Variants in C1QTNF3 observed in about 807,000 individuals in gnomAD.
C1QTNF3 encodes the protein C1q and TNF related 3.
A neutral mutation model predicts 32.6 loss-of-function variants in C1QTNF3; 26 were observed. That is an observed-to-expected ratio of 0.80 (90% CI 0.58 to 1.11). The LOEUF (loss-of-function observed/expected upper bound fraction) is 1.11. Ranked by LOEUF, C1QTNF3 falls within the 50% of genes least tolerant of loss-of-function variation. C1QTNF3 has a pLI of 0.00. For synonymous variants in C1QTNF3, 155 were observed against 146.0 expected (o/e 1.06, Z -0.44); for missense variants, 362 against 398.2 (o/e 0.91, Z 0.77).
chr5:34,177,445 T>C, the C1QTNF3 span, among the ~76,000 whole-genome samples: 1 of 149,894 alleles, frequency 6.7e-6, no homozygotes, highest in Non-Finnish European at 1.5e-5. Flanking sequence ...GCCTCCCAAG[T>C]AGCTGGGACT....
chr5:34,131,897 A>G, the C1QTNF3 span, among the ~76,000 whole-genome samples: 5 of 152,234 alleles, frequency 3.3e-5, no homozygotes, highest in Admixed American at 2.0e-4. Context: ...ATGTACAATT[A>G]TCACATGTCA....
chr5:34,070,346 T>G, the C1QTNF3 span, among the ~76,000 whole-genome samples: 1 of 152,232 alleles, frequency 6.6e-6, no homozygotes, highest in East Asian at 1.9e-4. Flanking sequence ...TAAATAAACT[T>G]AAAATAATTT....
chr5:34,070,556 T>C, the C1QTNF3 span, among the ~76,000 whole-genome samples: 1 of 152,226 alleles, frequency 6.6e-6, no homozygotes, highest in East Asian at 1.9e-4. Flanking sequence ...GATTTGCAAA[T>C]AGCAGTATTG....
Position 34,020,726 on chromosome 5 carries a change from T to C in C1QTNF3, c.817A>G (p.Lys273Glu). 4 of 1,612,514 alleles carry C rather than the reference T, an allele frequency of 2.5e-6. No homozygotes were observed. Among genetic ancestry groups the C allele is most frequent in the Non-Finnish European group, 3.4e-6 (4 of 1,178,964 alleles). Residue 273 changes from lysine to glutamate, a missense_variant, in exon 6 of 6, where the codon AAA (lysine) becomes GAA (glutamate). Physicochemically the swap from Lys to Glu is moderately conservative, Grantham distance 56 (BLOSUM62 1). Transcript: ENST00000382065. The part of the protein sequence containing the change: ...FSMYSYEMKG[K>E]SDTSSNHAVL... ...GCATGATTGCTGGATGTATCTGATT[T>C]GCCCTTCATTTCATAGCTGGAAAGA...
At chr5:34,024,914 T>A (rs957361749) in intron 4 of C1QTNF3, among the ~76,000 whole-genome samples, 1 of 152,236 alleles carries the variant, frequency 6.6e-6, no homozygotes, top group African/African-American at 2.4e-5. Flanking sequence ...CATGTTACAT[T>A]TTAAACTAAT....
At chr5:34,120,294 T>C in the C1QTNF3 span, among the ~76,000 whole-genome samples, 1 of 152,210 alleles carries the variant, frequency 6.6e-6, no homozygotes, top group Non-Finnish European at 1.5e-5. Flanking sequence ...TTTTAGATCA[T>C]ATCAGTTTCA....
chr5:34,181,459 T>C, the C1QTNF3 span, among the ~76,000 whole-genome samples: 1 of 152,402 alleles, frequency 6.6e-6, no homozygotes, highest in East Asian at 1.9e-4. Context: ...GAGCTCTGAA[T>C]TGTCCTTTGC....
the C1QTNF3 span, among the ~76,000 whole-genome samples, chr5:34,117,974 T>C: frequency 5.3e-5 from 8 of 152,330 alleles, no homozygotes; most frequent in East Asian, 1.2e-3. Flanking sequence ...AGAAGAAATA[T>C]CAATTATACT....
At chr5:34,243,593 A>G in the C1QTNF3 span, among the ~76,000 whole-genome samples, 1 of 152,366 alleles carries the variant, frequency 6.6e-6, no homozygotes, top group East Asian at 1.9e-4. Context: ...GACTGGATAA[A>G]GAAAATGTGG....
At chr5:34,108,072 GC>G in the C1QTNF3 span, among the ~76,000 whole-genome samples, 6 of 152,090 alleles carry the variant, frequency 3.9e-5, no homozygotes, top group Non-Finnish European at 7.4e-5. Context: ...AGTTTTATGA[GC>G]CCCCCCTCTC....
At chr5:34,195,530 T>C in the C1QTNF3 span, among the ~76,000 whole-genome samples, 3 of 151,896 alleles carry the variant, frequency 2.0e-5, no homozygotes, top group African/African-American at 4.8e-5. Context: ...ACAGACTGCA[T>C]GTTTGTGTTC....
intron 3 of C1QTNF3, among the ~76,000 whole-genome samples, chr5:34,032,287 A>G (rs1167778651): frequency 2.0e-5 from 3 of 152,242 alleles, no homozygotes; most frequent in Admixed American, 6.5e-5. Flanking sequence ...CGTGTTGGCA[A>G]TAAGAACTTT....
the C1QTNF3 span, among the ~76,000 whole-genome samples, chr5:34,211,241 T>C: frequency 6.6e-6 from 1 of 151,882 alleles, no homozygotes; most frequent in Admixed American, 6.6e-5. Flanking sequence ...ACTACTCATA[T>C]TCCCATTGCT....
At chr5:34,234,719 GAAAT>G in the C1QTNF3 span, among the ~76,000 whole-genome samples, 1 of 152,246 alleles carries the variant, frequency 6.6e-6, no homozygotes, top group Admixed American at 6.5e-5. Context: ...ATGTCCTGTG[GAAAT>G]AACTTTAAGG....
chr5:34,208,821 G>A, the C1QTNF3 span, among the ~76,000 whole-genome samples: 1 of 152,082 alleles, frequency 6.6e-6, no homozygotes, highest in Non-Finnish European at 1.5e-5. Flanking sequence ...TTCATGTAGT[G>A]CTTGCTCCAT....
At chr5:34,117,975 C>T in the C1QTNF3 span, among the ~76,000 whole-genome samples, 1 of 152,048 alleles carries the variant, frequency 6.6e-6, no homozygotes, top group Non-Finnish European at 1.5e-5. Context: ...GAAGAAATAT[C>T]AATTATACTT....
chr5:34,234,438 A>G, the C1QTNF3 span, among the ~76,000 whole-genome samples: 1 of 152,148 alleles, frequency 6.6e-6, no homozygotes, highest in Non-Finnish European at 1.5e-5. Context: ...TATATGAAAA[A>G]TTCACTTCTC....
At chr5:34,218,866 T>C in the C1QTNF3 span, among the ~76,000 whole-genome samples, 1 of 152,004 alleles carries the variant, frequency 6.6e-6, no homozygotes, top group Non-Finnish European at 1.5e-5. Context: ...GTACCCTTAT[T>C]ATGCAGGATC....
chr5:34,123,233 C>T, the C1QTNF3 span, among the ~76,000 whole-genome samples: 1 of 152,098 alleles, frequency 6.6e-6, no homozygotes, highest in African/African-American at 2.4e-5. Flanking sequence ...GGCAAGGCTG[C>T]CTCCATGAAC....
Sources: allele counts gnomAD v4.1 joint callset (sites outside exome capture counted in the v4.1 genomes callset), GRCh38; gene constraint gnomAD v4.1.1; transcripts MANE v1.5; gene names NCBI Gene and HGNC (gene_info 2026-07-23, HGNC 2026-07-21).